PTPRD: variants seen among roughly 807,000 people sequenced by gnomAD.
PTPRD encodes the protein protein tyrosine phosphatase receptor type D.
In PTPRD, 34 loss-of-function variants were observed where a neutral mutation model predicts 214.5. The observed-to-expected ratio is 0.16, with a 90% CI of 0.12 to 0.21. The LOEUF is 0.21. PTPRD is among the 10% of genes least tolerant of loss of function. The probability of loss-of-function intolerance (pLI) is 1.00; values close to 1 mark genes in which losing one functional copy is unlikely to be tolerated. For synonymous variants in PTPRD, 1,128 were observed against 845.7 expected, an observed-to-expected ratio of 1.33 and a Z score of -5.79; for missense variants, 2,545 against 2,398.7, an observed-to-expected ratio of 1.06 and a Z score of -1.27.
At chr9:8,935,010 C>T (rs114090438) in intron 11 of PTPRD, among the ~76,000 whole-genome samples, 6,478 of 151,956 alleles carry the variant, frequency 0.043, 488 homozygotes, top group African/African-American at 0.15. Context: ...TGTATATATA[C>T]TTATATATAC....
At chr9:10,450,360 C>T (rs1220288107) in intron 2 of PTPRD, among the ~76,000 whole-genome samples, 1 of 151,858 alleles carries the variant, frequency 6.6e-6, no homozygotes, top group Non-Finnish European at 1.5e-5. Flanking sequence ...AAAATACGTG[C>T]TTAACTTCTT....
At chr9:8,584,015 G>A (rs2093420166) in intron 14 of PTPRD, among the ~76,000 whole-genome samples, 1 of 152,104 alleles carries the variant, frequency 6.6e-6, no homozygotes, top group African/African-American at 2.4e-5. Flanking sequence ...AGCCATCGGT[G>A]TGGTGGTGTG....
At chr9:9,478,329 T>C (rs910351086) in intron 8 of PTPRD, among the ~76,000 whole-genome samples, 2 of 152,198 alleles carry the variant, frequency 1.3e-5, no homozygotes, top group African/African-American at 4.8e-5. Context: ...AGTTCTGAAA[T>C]GCCTTTAAGG....
chr9:9,927,905 A>C (rs1252259653), intron 5 of PTPRD, among the ~76,000 whole-genome samples: 2 of 152,172 alleles, frequency 1.3e-5, no homozygotes, highest in Admixed American at 6.6e-5. Context: ...GAGGTTGGCG[A>C]GTAGAAAGCT....
intron 36 of PTPRD, among the ~76,000 whole-genome samples, chr9:8,402,903 T>G (rs1220344960): frequency 2.0e-5 from 3 of 152,116 alleles, no homozygotes; most frequent in Non-Finnish European, 4.4e-5. Context: ...CTTGAACACT[T>G]AGTATCTGTG....
At chr9:8,421,138 G>C (rs1031656423) in intron 35 of PTPRD, among the ~76,000 whole-genome samples, 1 of 152,130 alleles carries the variant, frequency 6.6e-6, no homozygotes, top group African/African-American at 2.4e-5. Context: ...TTCATGACTT[G>C]ATAAATGATA....
rs1163727546 is a variant in PTPRD, at chr9:8,880,341, A to G, written c.-104+138356T>C. Among the ~76,000 whole-genome samples, 6 of 152,320 alleles carry G rather than the reference A, an allele frequency of 3.9e-5. No homozygotes were observed. In the South Asian group the frequency reaches 6.2e-4, roughly 16 times the overall value. On this transcript the variant is annotated intron_variant, in intron 11 of 45. Transcript: ENST00000381196. ...GTTGGTTTTTCTGAGGAAGGCTTCAATGCTAGGTCTGGCGCATCCTCCCTT... is the reference window on the plus strand; with the variant it reads ...GTTGGTTTTTCTGAGGAAGGCTTCAGTGCTAGGTCTGGCGCATCCTCCCTT...
chr9:9,701,220 A>T (rs190711502), intron 7 of PTPRD, among the ~76,000 whole-genome samples: 366 of 152,308 alleles, frequency 2.4e-3, no homozygotes, highest in African/African-American at 8.5e-3. Context: ...GGGAGGTAAC[A>T]CTGAAAACTT....
chr9:9,591,633 A>G (rs2092740757), intron 7 of PTPRD, among the ~76,000 whole-genome samples: 2 of 152,194 alleles, frequency 1.3e-5, no homozygotes, highest in African/African-American at 2.4e-5. Context: ...CAGTGAATAC[A>G]TATTTAGCTA....
At chr9:8,687,969 A>G (rs530478858) in intron 12 of PTPRD, among the ~76,000 whole-genome samples, 63 of 152,190 alleles carry the variant, frequency 4.1e-4, no homozygotes, top group Non-Finnish European at 8.2e-4. Flanking sequence ...TATCACTTTT[A>G]CAGTTTTTTG....
chr9:8,601,578 G>C (rs182152493), intron 14 of PTPRD, among the ~76,000 whole-genome samples: 16 of 152,174 alleles, frequency 1.1e-4, no homozygotes, highest in Non-Finnish European at 1.3e-4. Context: ...AGTAAGGCAA[G>C]AGAACAACAG....
At chr9:10,455,159 G>A (rs1345908631) in intron 2 of PTPRD, among the ~76,000 whole-genome samples, 1 of 151,660 alleles carries the variant, frequency 6.6e-6, no homozygotes, top group African/African-American at 2.4e-5. Context: ...GACACAAACT[G>A]ATGATGTAAC....
chr9:9,935,649 G>T (rs2088990625), intron 5 of PTPRD, among the ~76,000 whole-genome samples: 1 of 148,084 alleles, frequency 6.8e-6, no homozygotes, highest in South Asian at 2.1e-4. Flanking sequence ...TGGCCATACT[G>T]CCCAAGGTAA....
rs1035250090 is a variant in PTPRD at position 10,388,197 on chromosome 9, T to C, written c.-599-47180A>G. Among the ~76,000 whole-genome samples the C allele has an allele frequency of 2.0e-5, 3 of 151,980 alleles. No homozygotes were observed. The East Asian group carries it at 5.9e-4, about 30-fold the overall frequency. On this transcript the variant is annotated intron_variant, in intron 2 of 45. Transcript: ENST00000381196. ...AATACAAAAGATGCTATAATATGGG[T>C]ATTTGTAAGGTAAGGAAATAGGAAG...
At chr9:8,747,735 A>C (rs995255750) in intron 11 of PTPRD, among the ~76,000 whole-genome samples, 4 of 152,144 alleles carry the variant, frequency 2.6e-5, no homozygotes, top group Admixed American at 2.6e-4. Flanking sequence ...TAACCAATGG[A>C]AATTACTTAA....
At position 10,464,823 on chromosome 9, in the gene PTPRD, A is replaced by C. The variant is rs182150555; in HGVS notation, c.-599-123806T>G. Among the ~76,000 whole-genome samples the C allele has an allele frequency of 1.3e-3, 196 of 152,284 alleles. 4 individuals are homozygous for C. Among genetic ancestry groups the C allele is most frequent in the Admixed American group, 0.012 (180 of 15,298 alleles). The stretch of plus-strand genomic sequence containing the variant: ...AAAAACATTAAATTGCTTATCATTA[A>C]AAAATTCCAGGTGAAAATTTGACAT... On this transcript the variant is annotated intron_variant, in intron 2 of 45. Coordinates refer to ENST00000381196, the MANE Select transcript of PTPRD (RefSeq NM_002839.4).
chr9:10,553,324 G>A (rs2061756358), intron 2 of PTPRD, among the ~76,000 whole-genome samples: 1 of 150,946 alleles, frequency 6.6e-6, no homozygotes, highest in South Asian at 2.1e-4. Flanking sequence ...TCAAGTCATA[G>A]ACTCATATGT....
rs182226442 is a variant in PTPRD, at chr9:9,913,000, A to G, written c.-368+25507T>C. On this transcript the variant is annotated intron_variant, in intron 5 of 45. Transcript: ENST00000381196. ...GACAAGCACATTAAATAACAATCAG[A>G]TTTTCTGTAAACATTCTTATAAGTT... Among the ~76,000 whole-genome samples the G allele has an allele frequency of 1.7e-3, 266 of 152,168 alleles. 1 individual carries two copies. The highest frequency in any genetic ancestry group is 4.1e-3 in the Admixed American group (63 of 15,276).
chr9:10,536,796 CTCT>C (rs915995365), intron 2 of PTPRD, among the ~76,000 whole-genome samples: 5 of 152,108 alleles, frequency 3.3e-5, no homozygotes, highest in African/African-American at 9.7e-5. Context: ...CTCAGAACTC[CTCT>C]TCTTCTACCT....
Sources: allele counts gnomAD v4.1 joint callset (sites outside exome capture counted in the v4.1 genomes callset), GRCh38; gene constraint gnomAD v4.1.1; transcripts MANE v1.5; gene names NCBI Gene and HGNC (gene_info 2026-07-23, HGNC 2026-07-21).